GNAI1: variants seen among roughly 807,000 people sequenced by gnomAD.
GNAI1 encodes guanine nucleotide-binding protein G(i) subunit alpha-1.
In GNAI1, 11 loss-of-function variants were observed where a neutral mutation model predicts 38.9. The ratio of observed to expected loss-of-function variants is 0.28; its 90% CI spans 0.18 to 0.47. The LOEUF (loss-of-function observed/expected upper bound fraction) is 0.47. GNAI1 is among the 20% of genes least tolerant of loss of function. The probability of loss-of-function intolerance (pLI) is 0.99; values close to 1 mark genes in which losing one functional copy is unlikely to be tolerated. For synonymous variants in GNAI1, 166 were observed against 145.1 expected (o/e 1.14, Z -1.04); for missense variants, 317 against 436.9 (o/e 0.73, Z 2.45).
chr7:80,139,144 A>G (rs1228891623), intron 1 of GNAI1, among the ~76,000 whole-genome samples: 1 of 143,696 alleles, frequency 7.0e-6, no homozygotes, highest in South Asian at 2.1e-4. Context: ...CATACCTTGT[A>G]TTAGTTACTT....
intron 1 of GNAI1, among the ~76,000 whole-genome samples, chr7:80,159,500 A>G (rs1332469658): frequency 1.3e-5 from 2 of 152,218 alleles, no homozygotes; most frequent in African/African-American, 4.8e-5. Flanking sequence ...TGATTGACAC[A>G]TAATAATTGA....
intron 1 of GNAI1, among the ~76,000 whole-genome samples, chr7:80,175,073 A>T (rs1464512245): frequency 6.6e-6 from 1 of 152,160 alleles, no homozygotes; most frequent in African/African-American, 2.4e-5. Context: ...TGAGTTGTGA[A>T]CTGAACTAGT....
chr7:80,172,015 T>C (rs570041875), intron 1 of GNAI1, among the ~76,000 whole-genome samples: 4 of 152,344 alleles, frequency 2.6e-5, no homozygotes, highest in African/African-American at 9.6e-5. Context: ...TATATGAACT[T>C]GTACACATTT....
At chr7:80,210,750 A>G (rs1369266858) in intron 5 of GNAI1, among the ~76,000 whole-genome samples, 3 of 140,560 alleles carry the variant, frequency 2.1e-5, no homozygotes, top group Non-Finnish European at 4.6e-5. Context: ...TTTTTTAGAG[A>G]TACCCTCCCT....
rs1207905945 is a variant in GNAI1 at position 80,163,397 on chromosome 7, TTAATAAGA to T, written c.119-25552_119-25545del. ...CCTTGCTTGATCTCTACATGTCCTC[TTAATAAGA>T]TGGTCTGTTCGTAGTAGATTCTCCA... On this transcript the variant is annotated intron_variant, in intron 1 of 7. Transcript: ENST00000649796. Among the ~76,000 whole-genome samples the T allele has an allele frequency of 2.0e-5, 3 of 152,322 alleles. No individual in the cohort carries two copies. In the East Asian group the frequency reaches 5.8e-4, roughly 29 times the overall value.
chr7:80,151,107 T>G (rs1201278840), intron 1 of GNAI1, among the ~76,000 whole-genome samples: 2 of 152,188 alleles, frequency 1.3e-5, no homozygotes, highest in Non-Finnish European at 2.9e-5. Flanking sequence ...GCTTCTCCCT[T>G]GCCACAGTAT....
intron 1 of GNAI1, among the ~76,000 whole-genome samples, chr7:80,182,263 A>AT (rs1788308510): frequency 6.6e-6 from 1 of 152,032 alleles, no homozygotes; most frequent in South Asian, 2.1e-4. Flanking sequence ...GATAATTTAG[A>AT]TTGATTGCAT....
intron 3 of GNAI1, among the ~76,000 whole-genome samples, chr7:80,196,854 G>T (rs1233152111): frequency 1.3e-5 from 2 of 151,832 alleles, no homozygotes; most frequent in Non-Finnish European, 2.9e-5. Context: ...GATACATATA[G>T]ATAGTAAAAT....
At chr7:80,211,161 T>C in intron 6 of GNAI1, 63 bp downstream of exon 6, 2 of 1,448,904 alleles carry the variant, frequency 1.4e-6, no homozygotes, top group Non-Finnish European at 1.9e-6. Context: ...TTGCCAAGAA[T>C]TTCTTTCTAA....
In GNAI1 at chr7:80,222,945, T is replaced by C. The variant is rs1469978482; in HGVS notation, c.*5452T>C. The stretch of plus-strand genomic sequence containing the variant: ...TTAGCCTGGCCTAACTTAAAGGTGC[T>C]CAGAACACTTAGATTAGCATACAGT... On this transcript the variant is annotated 3_prime_UTR_variant, in exon 8 of 8. Coordinates refer to ENST00000649796, the MANE Select transcript of GNAI1 (RefSeq NM_002069.6). Among the ~76,000 whole-genome samples, 1 of 152,144 alleles carries C rather than the reference T, an allele frequency of 6.6e-6. No individual in the cohort carries two copies. The highest frequency in any genetic ancestry group is 2.4e-5 in the African/African-American group (1 of 41,418).
intron 7 of GNAI1, among the ~76,000 whole-genome samples, chr7:80,216,128 G>A (rs774178100): frequency 6.6e-6 from 1 of 151,956 alleles, no homozygotes; most frequent in Non-Finnish European, 1.5e-5. Context: ...ATTACATAGA[G>A]CATTACATTA....
At chr7:80,201,375 C>T (rs1037757640) in intron 4 of GNAI1, among the ~76,000 whole-genome samples, 2 of 152,168 alleles carry the variant, frequency 1.3e-5, no homozygotes, top group Non-Finnish European at 2.9e-5. Context: ...CCCCCTCAGT[C>T]TCTTGTCCAA....
intron 1 of GNAI1, among the ~76,000 whole-genome samples, chr7:80,172,395 TTG>T (rs898146868): frequency 6.6e-6 from 1 of 152,200 alleles, no homozygotes; most frequent in African/African-American, 2.4e-5. Flanking sequence ...GAAGTTTCCT[TTG>T]TCTCATGGGA....
chr7:80,212,754 A>G lies in GNAI1; in HGVS notation c.759A>G (p.Ile253Met), dbSNP rs1331183452. 6.4e-7 allele frequency: 1 copy of G among 1,562,012 alleles called. No homozygotes were observed. Among genetic ancestry groups the G allele is most frequent in the Non-Finnish European group, 8.6e-7 (1 of 1,160,022 alleles). Residue 253 changes from isoleucine (I) to methionine (M), a missense_variant, in exon 7 of 8, where the codon ATA becomes ATG. Ile to Met is a conservative substitution (Grantham distance 10). Transcript: ENST00000649796. ...MHESMKLFDS[I>M]CNNKWFTDTS... ...AAAGCATGAAATTGTTTGACAGCAT[A>G]TGTAACAACAAGTGGTTTACAGATA...
chr7:80,188,323 A>T (rs1788423393), intron 1 of GNAI1, among the ~76,000 whole-genome samples: 1 of 152,192 alleles, frequency 6.6e-6, no homozygotes, highest in Non-Finnish European at 1.5e-5. Flanking sequence ...TCCAATGGAG[A>T]GCAGAGTCTT....
intron 3 of GNAI1, among the ~76,000 whole-genome samples, chr7:80,196,725 C>A (rs1263353848): frequency 6.6e-6 from 1 of 151,804 alleles, no homozygotes. Context: ...CCTGAAAGCT[C>A]ATCTACAGAC....
intron 6 of GNAI1, among the ~76,000 whole-genome samples, chr7:80,212,279 T>G (rs1478038548): frequency 6.6e-6 from 1 of 152,200 alleles, no homozygotes; most frequent in East Asian, 1.9e-4. Flanking sequence ...GTATTTATAT[T>G]TATTATAATA....
At chr7:80,158,860 G>A (rs2116121935) in intron 1 of GNAI1, among the ~76,000 whole-genome samples, 1 of 152,252 alleles carries the variant, frequency 6.6e-6, no homozygotes, top group East Asian at 1.9e-4. Context: ...GGACCTTTCA[G>A]CTATAATCTT....
At chr7:80,169,860 CCACTGGTCTACGTT>C (rs1788072167) in intron 1 of GNAI1, among the ~76,000 whole-genome samples, 1 of 152,170 alleles carries the variant, frequency 6.6e-6, no homozygotes, top group Admixed American at 6.5e-5. Flanking sequence ...CCTTACTCAA[CCACTGGTCTACGTT>C]CTGTCTCTAT....
Sources: allele counts gnomAD v4.1 joint callset (sites outside exome capture counted in the v4.1 genomes callset), GRCh38; gene constraint gnomAD v4.1.1; transcripts MANE v1.5; gene names NCBI Gene and HGNC (gene_info 2026-07-23, HGNC 2026-07-21).